DAB1: variants seen among roughly 807,000 people sequenced by gnomAD.
DAB1 encodes disabled homolog 1.
In DAB1, 15 loss-of-function variants were observed where a neutral mutation model predicts 64.6. The observed-to-expected ratio is 0.23, with a 90% confidence interval of 0.16 to 0.36. The LOEUF is 0.36. DAB1 is among the 10% of genes least tolerant of loss of function. DAB1 has a pLI of 1.00. For synonymous variants in DAB1, 235 were observed against 251.9 expected (o/e 0.93, Z 0.64); for missense variants, 596 against 706.7 (o/e 0.84, Z 1.78).
At chr1:58,219,858 T>C (rs186670632) in intron 4 of DAB1, among the ~76,000 whole-genome samples, 11 of 152,376 alleles carry the variant, frequency 7.2e-5, no homozygotes, top group East Asian at 5.8e-4. Context: ...TCCCCACTGA[T>C]GAAAGCTCCC....
chr1:58,126,187 G>A (rs879029220), intron 5 of DAB1, among the ~76,000 whole-genome samples: 1 of 152,154 alleles, frequency 6.6e-6, no homozygotes, highest in Admixed American at 6.5e-5. Flanking sequence ...GAACCCACTT[G>A]GCATGGCTGC....
intron 2 of DAB1, among the ~76,000 whole-genome samples, chr1:57,191,960 C>T (rs897570823): frequency 3.3e-5 from 5 of 152,064 alleles, no homozygotes; most frequent in Admixed American, 1.3e-4. Context: ...CAGCATGGCA[C>T]GAGCTAATAC....
intron 1 of DAB1, among the ~76,000 whole-genome samples, chr1:57,858,035 T>C (rs1487189682): frequency 1.3e-5 from 2 of 151,970 alleles, no homozygotes; most frequent in Non-Finnish European, 2.9e-5. Context: ...ATCAAGATCC[T>C]GAGTCTATTA....
intron 5 of DAB1, among the ~76,000 whole-genome samples, chr1:57,896,834 C>CA (rs1644399004): frequency 6.6e-6 from 1 of 152,058 alleles, no homozygotes; most frequent in Non-Finnish European, 1.5e-5. Context: ...GTGTTTGAGG[C>CA]AAAATCAGAA....
At chr1:57,180,519 G>T (rs547902264) in intron 2 of DAB1, among the ~76,000 whole-genome samples, 90 of 152,244 alleles carry the variant, frequency 5.9e-4, no homozygotes, top group Admixed American at 8.5e-4. Flanking sequence ...CTTGCGGATG[G>T]GGGGTAAAGA....
At chr1:57,565,549 A>C (rs1645108638) in intron 7 of DAB1, among the ~76,000 whole-genome samples, 2 of 152,296 alleles carry the variant, frequency 1.3e-5, no homozygotes, top group Admixed American at 6.5e-5. Context: ...CAGAGACACA[A>C]GTAGGCTCAA....
At chr1:57,746,829 T>C (rs1003178833) in intron 6 of DAB1, among the ~76,000 whole-genome samples, 2 of 152,178 alleles carry the variant, frequency 1.3e-5, no homozygotes, top group African/African-American at 4.8e-5. Context: ...GTTGAACCCA[T>C]GATGTGGAAG....
chr1:57,156,927 C>T (rs561882897), intron 2 of DAB1, among the ~76,000 whole-genome samples: 43 of 152,320 alleles, frequency 2.8e-4, no homozygotes, highest in African/African-American at 1.0e-3. Flanking sequence ...GCAGAAGTCT[C>T]TGCCAATGTT....
At chr1:57,462,228 C>A (rs530526886) in intron 7 of DAB1, among the ~76,000 whole-genome samples, 19 of 152,124 alleles carry the variant, frequency 1.2e-4, no homozygotes, top group African/African-American at 4.6e-4. Flanking sequence ...GGATTACAGG[C>A]GTGAGCCACT....
At chr1:58,034,045 T>C (rs1327048713) in intron 5 of DAB1, among the ~76,000 whole-genome samples, 1 of 152,244 alleles carries the variant, frequency 6.6e-6, no homozygotes, top group Non-Finnish European at 1.5e-5. Context: ...TTGATTGTAG[T>C]GACTTGCTTC....
intron 7 of DAB1, among the ~76,000 whole-genome samples, chr1:57,550,580 C>A (rs922847431): frequency 1.3e-5 from 2 of 150,316 alleles, no homozygotes; most frequent in Admixed American, 1.3e-4. Flanking sequence ...TGCCTGCAAT[C>A]GATCTATCAT....
At chr1:57,804,916 A>T (rs1285307274) in intron 6 of DAB1, among the ~76,000 whole-genome samples, 6 of 152,210 alleles carry the variant, frequency 3.9e-5, no homozygotes, top group Non-Finnish European at 2.9e-5. Context: ...GGAGATTTGT[A>T]TTTTTTGTTG....
At chr1:58,092,535 C>G (rs939205107) in intron 5 of DAB1, among the ~76,000 whole-genome samples, 1 of 152,062 alleles carries the variant, frequency 6.6e-6, no homozygotes, top group African/African-American at 2.4e-5. Flanking sequence ...TAGAAAACAC[C>G]TTCCCTAAAG....
intron 5 of DAB1, among the ~76,000 whole-genome samples, chr1:58,030,359 A>G (rs1197350197): frequency 1.3e-5 from 2 of 152,188 alleles, no homozygotes; most frequent in South Asian, 2.1e-4. Flanking sequence ...TTTATTTTTT[A>G]TTTCCAAGGT....
At chr1:57,108,400 A>G (rs1259307127) in intron 4 of DAB1, among the ~76,000 whole-genome samples, 1 of 152,168 alleles carries the variant, frequency 6.6e-6, no homozygotes, top group Non-Finnish European at 1.5e-5. Context: ...TCTCTGCTCC[A>G]TGCAGCAGTT....
chr1:57,439,263 A>T (rs1274998226), intron 7 of DAB1, among the ~76,000 whole-genome samples: 2 of 152,060 alleles, frequency 1.3e-5, no homozygotes, highest in Non-Finnish European at 1.5e-5. Context: ...AAACCAAAAG[A>T]AATCAAATCC....
chr1:57,621,550 T>G (rs1204747255), intron 7 of DAB1, among the ~76,000 whole-genome samples: 5 of 151,984 alleles, frequency 3.3e-5, no homozygotes, highest in Non-Finnish European at 7.4e-5. Context: ...TAAGAGGGTT[T>G]AGGCTGGGGA....
chr1:57,521,198 T>C (rs191344489), intron 7 of DAB1, among the ~76,000 whole-genome samples: 2 of 152,286 alleles, frequency 1.3e-5, no homozygotes, highest in Admixed American at 1.3e-4. Context: ...AGCTGCCATA[T>C]CCTCTGGATT....
chr1:58,381,613 T>C (rs987660849), intron 3 of DAB1, among the ~76,000 whole-genome samples: 2 of 152,228 alleles, frequency 1.3e-5, no homozygotes, highest in Non-Finnish European at 2.9e-5. Context: ...AGATTCAGGA[T>C]ACAGTTTGAA....
Sources: gnomAD v4.1 joint callset for allele counts (sites outside exome capture counted in the v4.1 genomes callset) on GRCh38, gnomAD v4.1.1 for gene constraint, MANE v1.5 for transcripts, NCBI Gene and HGNC (gene_info 2026-07-23, HGNC 2026-07-21) for gene names.